The following ALKBH8 variants were observed in gnomAD, a reference collection of about 807,000 sequenced individuals.
ALKBH8 encodes the protein alkB homolog 8, tRNA methyltransferase.
In ALKBH8, 36 loss-of-function variants were observed where a neutral mutation model predicts 59.8. That is an observed-to-expected ratio of 0.60 (90% CI 0.46 to 0.79). The LOEUF is 0.79. Ranked by LOEUF, ALKBH8 falls within the 30% of genes least tolerant of loss-of-function variation. ALKBH8 has a pLI of 0.00. For synonymous variants in ALKBH8, 276 were observed against 273.6 expected, an observed-to-expected ratio of 1.01 and a Z score of -0.09; for missense variants, 768 against 801.0, an observed-to-expected ratio of 0.96 and a Z score of 0.50.
At chr11:107,516,843 T>A (rs1465083213) in intron 10 of ALKBH8, among the ~76,000 whole-genome samples, 1 of 151,922 alleles carries the variant, frequency 6.6e-6, no homozygotes, top group African/African-American at 2.4e-5. Flanking sequence ...CTGGGCAACA[T>A]GGCAAAACCT....
chr11:107,564,536 C>T (rs910774101), intron 1 of ALKBH8, among the ~76,000 whole-genome samples: 3 of 152,042 alleles, frequency 2.0e-5, no homozygotes, highest in Admixed American at 2.0e-4. Flanking sequence ...ATATGGGTTG[C>T]CTCCAGGGAA....
chr11:107,522,329 C>T lies in ALKBH8; in HGVS notation c.1257G>A (p.Lys419=), dbSNP rs1863148258. Residue 419 remains lysine, a synonymous_variant, in exon 10 of 12, where the codon AAG becomes AAA. Transcript: ENST00000428149. The part of the protein sequence containing the change: ...IVADIGCGNG[K]YLGINKELYM... ...ATAACTCCTTATTGATGCCAAGATA[C>T]TTTCCATTACCACATCCAATATCAG... 1.3e-6 allele frequency: 2 copies of T among 1,551,500 alleles called. No homozygotes were observed. The highest frequency in any genetic ancestry group is 1.7e-4 in the Middle Eastern group (1 of 6,012).
intron 7 of ALKBH8, among the ~76,000 whole-genome samples, chr11:107,533,382 T>C (rs1447271341): frequency 6.6e-6 from 1 of 152,142 alleles, no homozygotes; most frequent in Non-Finnish European, 1.5e-5. Context: ...CAATAAATGG[T>C]AGCTACTATT....
intron 5 of ALKBH8, among the ~76,000 whole-genome samples, chr11:107,552,890 C>T (rs865930327): frequency 6.6e-5 from 10 of 152,080 alleles, no homozygotes; most frequent in Admixed American, 2.6e-4. Context: ...TGAGAAGCAG[C>T]ATGGGAATAA....
At chr11:107,558,700 A>G (rs1321028330) in intron 2 of ALKBH8, among the ~76,000 whole-genome samples, 1 of 152,244 alleles carries the variant, frequency 6.6e-6, no homozygotes, top group Non-Finnish European at 1.5e-5. Flanking sequence ...ATATAATTAA[A>G]TGTCATAACT....
chr11:107,545,149 G>T (rs769740290), intron 7 of ALKBH8, among the ~76,000 whole-genome samples: 2 of 152,120 alleles, frequency 1.3e-5, no homozygotes, highest in Non-Finnish European at 2.9e-5. Flanking sequence ...GGCAAATATT[G>T]AGGGCTGAAT....
chr11:107,521,199 A>C (rs949915366), intron 10 of ALKBH8, among the ~76,000 whole-genome samples: 3 of 152,162 alleles, frequency 2.0e-5, no homozygotes, highest in East Asian at 1.9e-4. Flanking sequence ...CCTCAGTAGA[A>C]TCCTAGGTGA....
chr11:107,528,264 CTTTTA>C (rs1322219985), intron 8 of ALKBH8, among the ~76,000 whole-genome samples: 8 of 152,032 alleles, frequency 5.3e-5, no homozygotes, highest in Middle Eastern at 3.2e-3. Context: ...TTGTAATTTT[CTTTTA>C]TTTAATGTCT....
rs996736406 is a variant in ALKBH8 at position 107,504,438 on chromosome 11, T to G, written c.*220A>C. 1.5e-6 allele frequency: 1 copy of G among 659,472 alleles called. No homozygotes were observed. Among genetic ancestry groups the G allele is most frequent in the African/African-American group, 1.8e-5 (1 of 54,506 alleles). The allele number at this position is 659,472 out of a possible 1,614,324, so 40.9% of individuals were successfully genotyped here. On this transcript the variant is annotated 3_prime_UTR_variant, in exon 12 of 12. Transcript: ENST00000428149. ...GCTTCAATCACTTTTAGAAACCACCTCTCCTAGGGAAGTAGGAGGAGCCAA... is the reference window on the plus strand; with the variant it reads ...GCTTCAATCACTTTTAGAAACCACCGCTCCTAGGGAAGTAGGAGGAGCCAA...
At chr11:107,526,042 T>C (rs1305885089) in intron 8 of ALKBH8, among the ~76,000 whole-genome samples, 1 of 152,050 alleles carries the variant, frequency 6.6e-6, no homozygotes, top group East Asian at 1.9e-4. Context: ...TTGGGACTAT[T>C]ACAAATAAAG....
At chr11:107,505,762 G>C (rs1862357414) in intron 11 of ALKBH8, among the ~76,000 whole-genome samples, 1 of 152,202 alleles carries the variant, frequency 6.6e-6, no homozygotes, top group Non-Finnish European at 1.5e-5. Flanking sequence ...GTAAGCCAAG[G>C]TGAGCTCTAG....
chr11:107,518,241 G>A (rs1433709002), intron 10 of ALKBH8, among the ~76,000 whole-genome samples: 1 of 152,150 alleles, frequency 6.6e-6, no homozygotes, highest in Non-Finnish European at 1.5e-5. Flanking sequence ...AAGGTGATAG[G>A]ATTATGCAAA....
rs1390965918 is a variant in ALKBH8, at chr11:107,565,387, C to CCAAACA, written c.-7+208_-7+213dup. On this transcript the variant is annotated intron_variant, in intron 1 of 11. Coordinates refer to ENST00000428149, the MANE Select transcript of ALKBH8 (RefSeq NM_138775.3). ...CACAGGCACCACGTGAGCGCCCGAACCAAACACAAACACATGCACCCTAAA... is the reference window on the plus strand; with the variant it reads ...CACAGGCACCACGTGAGCGCCCGAACCAAACACAAACACAAACACATGCACCCTAAA... The CCAAACA allele has an allele frequency of 4.8e-6, 3 of 631,390 alleles. No homozygotes were observed. The East Asian group carries it at 8.4e-5, about 18-fold the overall frequency. The allele number at this position is 631,390 out of a possible 1,614,324, so 39.1% of individuals were successfully genotyped here.
At chr11:107,517,718 T>C (rs1056490192) in intron 10 of ALKBH8, among the ~76,000 whole-genome samples, 12 of 152,168 alleles carry the variant, frequency 7.9e-5, no homozygotes, top group African/African-American at 2.9e-4. Context: ...TGCGACTTCA[T>C]AGAACTAGAG....
chr11:107,530,669 G>T (rs1192698517), intron 8 of ALKBH8, among the ~76,000 whole-genome samples: 2 of 150,138 alleles, frequency 1.3e-5, no homozygotes, highest in Non-Finnish European at 3.0e-5. Flanking sequence ...TACAGGCAAT[G>T]TGTATCAATG....
intron 1 of ALKBH8, among the ~76,000 whole-genome samples, chr11:107,564,160 A>G (rs1254142181): frequency 2.0e-5 from 3 of 152,146 alleles, no homozygotes; most frequent in Non-Finnish European, 4.4e-5. Flanking sequence ...AGCCAGCTCC[A>G]GCCTAAGCGT....
intron 5 of ALKBH8, 58 bp downstream of exon 5, chr11:107,553,050 T>C (rs1591319328): frequency 7.7e-6 from 8 of 1,039,034 alleles, no homozygotes; most frequent in Non-Finnish European, 1.1e-5. Context: ...ACTATCATAT[T>C]CTACTAATAT....
rs554496021 is a variant in ALKBH8 at position 107,527,021 on chromosome 11, A to G, written c.879-1429T>C. ...GAATAAATCCCCTAACATTGTTTCA[A>G]GATTGTTTTGACAATCACATTTCCT... is the stretch of plus-strand genomic sequence containing the variant. On this transcript the variant is annotated intron_variant, in intron 8 of 11. Transcript: ENST00000428149. Among the ~76,000 whole-genome samples, 16 of 152,086 alleles carry G rather than the reference A, an allele frequency of 1.1e-4. 1 individual carries two copies. The South Asian group carries it at 3.1e-3, about 30-fold the overall frequency.
intron 8 of ALKBH8, among the ~76,000 whole-genome samples, chr11:107,525,868 A>G (rs1267472990): frequency 6.6e-6 from 1 of 152,046 alleles, no homozygotes; most frequent in African/African-American, 2.4e-5. Context: ...AAAACAAAAA[A>G]GAACAGATGA....
Sources: gnomAD v4.1 joint callset for allele counts (sites outside exome capture counted in the v4.1 genomes callset) on GRCh38, gnomAD v4.1.1 for gene constraint, MANE v1.5 for transcripts, NCBI Gene and HGNC (gene_info 2026-07-23, HGNC 2026-07-21) for gene names.